Variants in DEPDC4 observed in about 807,000 individuals in gnomAD.
The protein encoded by DEPDC4 is DEP domain-containing protein 4.
Under a neutral mutation model 52.0 loss-of-function variants are expected in DEPDC4, and 52 were observed. That is an observed-to-expected ratio of 1.00 (90% confidence interval 0.80 to 1.26). The LOEUF is 1.26. Among genes scored for constraint, DEPDC4 ranks in the 50% most tolerant of loss-of-function variants. The pLI is 0.00. For synonymous variants in DEPDC4, 201 were observed against 196.8 expected (o/e 1.02, Z -0.18); for missense variants, 530 against 546.9 (o/e 0.97, Z 0.31).
intron 4 of DEPDC4, among the ~76,000 whole-genome samples, chr12:100,254,810 C>G (rs1275441782): frequency 3.3e-5 from 5 of 152,184 alleles, no homozygotes; most frequent in Non-Finnish European, 1.5e-5. Context: ...TAACTTCCAA[C>G]TCCTGGGCTC....
At position 100,256,876 on chromosome 12, in the gene DEPDC4, A is replaced by C. The variant is rs575917347; in HGVS notation, c.701-650T>G. Among the ~76,000 whole-genome samples the C allele has an allele frequency of 5.9e-5, 9 of 151,782 alleles. No individual in the cohort carries two copies. The East Asian group carries it at 1.6e-3, about 26-fold the overall frequency. On this transcript the variant is annotated intron_variant, in intron 3 of 9. Coordinates refer to ENST00000550587, the MANE Select transcript of DEPDC4 (RefSeq NM_001364818.2). ...TAGGATGGTCTCGATCTCCTGACCT[A>C]GTGATCCGCCCGCCTCGGCCTCCCA...
intron 5 of DEPDC4, 67 bp from the exon 6 acceptor site, chr12:100,252,603 TTAG>T: frequency 1.4e-6 from 2 of 1,440,142 alleles, no homozygotes; most frequent in African/African-American, 1.4e-5. Context: ...AAGTATTTAC[TTAG>T]TAGTCAATTA....
rs2096152528 is a variant in DEPDC4, at chr12:100,240,090, A to C, written c.*1802T>G. On this transcript the variant is annotated 3_prime_UTR_variant, in exon 10 of 10. Transcript: ENST00000550587. ...GTCTAATATAGTTTATTTTTTCAAG[A>C]ATTTAATTAATTATGCTTCTGTTTC... Among the ~76,000 whole-genome samples, 1 of 152,206 alleles carries C rather than the reference A, an allele frequency of 6.6e-6. No individual in the cohort carries two copies. The highest frequency in any genetic ancestry group is 1.5e-5 in the Non-Finnish European group (1 of 68,036).
At chr12:100,255,372 C>G (rs1039704885) in intron 4 of DEPDC4, among the ~76,000 whole-genome samples, 1 of 152,196 alleles carries the variant, frequency 6.6e-6, no homozygotes, top group African/African-American at 2.4e-5. Context: ...TAAGAGGGTC[C>G]AGAGGTCTCT....
the DEPDC4 span, among the ~76,000 whole-genome samples, chr12:100,281,751 G>A: frequency 3.3e-5 from 5 of 151,374 alleles, no homozygotes; most frequent in African/African-American, 1.2e-4. Context: ...GGAGAATGGC[G>A]TGAACCCGGG....
rs745903492 is a variant in DEPDC4 at position 100,262,406 on chromosome 12, T to C, written c.558A>G (p.Pro186=). Residue 186 remains proline, a synonymous_variant, in exon 3 of 10, where the codon CCA becomes CCG. Coordinates refer to ENST00000550587, the MANE Select transcript of DEPDC4 (RefSeq NM_001364818.2). ...AENEFNETLR[P]GYEMISNPLA... ...GAGGATTTGAAATCATTTCATATCC[T>C]GGTCTGTTAAAAAATAATACGTGGC... 2.5e-6 allele frequency: 4 copies of C among 1,596,888 alleles called. No individual in the cohort carries two copies. The African/African-American group carries it at 4.1e-5, about 16-fold the overall frequency.
chr12:100,249,185 C>T (rs2096197984), intron 7 of DEPDC4, among the ~76,000 whole-genome samples: 3 of 152,086 alleles, frequency 2.0e-5, no homozygotes, highest in African/African-American at 7.2e-5. Context: ...TTTCTGCCTT[C>T]ATGTGTGTAC....
chr12:100,276,304 G>T, the DEPDC4 span, among the ~76,000 whole-genome samples: 2 of 152,118 alleles, frequency 1.3e-5, no homozygotes, highest in East Asian at 3.9e-4. Context: ...TTGGTCATTT[G>T]TGTCTTTTAA....
intron 9 of DEPDC4, among the ~76,000 whole-genome samples, chr12:100,231,684 G>A (rs1034188895): frequency 6.6e-6 from 1 of 152,128 alleles, no homozygotes; most frequent in Non-Finnish European, 1.5e-5. Context: ...CTAATTTAAT[G>A]GTTAGTATTT....
At chr12:100,273,826 C>G in the DEPDC4 span, among the ~76,000 whole-genome samples, 1 of 152,186 alleles carries the variant, frequency 6.6e-6, no homozygotes, top group African/African-American at 2.4e-5. Context: ...CTTTGGAGGA[C>G]TGAGTCTGCT....
At chr12:100,258,828 T>G (rs775165656) in intron 3 of DEPDC4, among the ~76,000 whole-genome samples, 1 of 152,080 alleles carries the variant, frequency 6.6e-6, no homozygotes, top group Non-Finnish European at 1.5e-5. Flanking sequence ...CTCAGCACTT[T>G]GGGAGGTTGC....
upstream of DEPDC4, chr12:100,267,445 T>G: frequency 5.7e-6 from 1 of 175,598 alleles, no homozygotes; most frequent in Non-Finnish European, 1.2e-5. Flanking sequence ...CCGGCGGCTC[T>G]CTCGCCTGGG....
intron 7 of DEPDC4, among the ~76,000 whole-genome samples, chr12:100,250,203 C>T (rs1210459074): frequency 6.6e-6 from 1 of 152,118 alleles, no homozygotes; most frequent in Non-Finnish European, 1.5e-5. Flanking sequence ...TGGCCTGGTA[C>T]AAAATTTGAA....
At chr12:100,251,594 A>T (rs866535869) in intron 7 of DEPDC4, among the ~76,000 whole-genome samples, 1 of 150,774 alleles carries the variant, frequency 6.6e-6, no homozygotes, top group Non-Finnish European at 1.5e-5. Flanking sequence ...TTGAGGCGGA[A>T]TCTTGCTCTG....
In DEPDC4 at chr12:100,240,260, T is replaced by C. The variant is rs1371144674; in HGVS notation, c.*1632A>G. On this transcript the variant is annotated 3_prime_UTR_variant, in exon 10 of 10. Transcript: ENST00000550587. ...GCCTAAAACTCCTGGGCTCAAGAGA[T>C]CCTCCCACCTCAGCCTCCTGAGTAG... Among the ~76,000 whole-genome samples the C allele has an allele frequency of 6.6e-6, 1 of 152,130 alleles. No homozygotes were observed. The highest frequency in any genetic ancestry group is 6.6e-5 in the Admixed American group (1 of 15,266).
downstream of DEPDC4, among the ~76,000 whole-genome samples, chr12:100,236,102 T>C (rs568685498): frequency 6.6e-6 from 1 of 152,350 alleles, no homozygotes; most frequent in Non-Finnish European, 1.5e-5. Context: ...TTGATGGGCA[T>C]TTGGGCTGGT....
chr12:100,277,095 C>CA, the DEPDC4 span, among the ~76,000 whole-genome samples: 1 of 152,054 alleles, frequency 6.6e-6, no homozygotes, highest in Non-Finnish European at 1.5e-5. Flanking sequence ...TTATTGTAGT[C>CA]AAAGAGAATC....
intron 7 of DEPDC4, among the ~76,000 whole-genome samples, chr12:100,251,352 T>A (rs987637524): frequency 6.6e-6 from 1 of 151,030 alleles, no homozygotes; most frequent in African/African-American, 2.4e-5. Context: ...ATAGTGAGGC[T>A]AAAAAAAAAC....
chr12:100,258,589 A>G (rs1034717571), intron 3 of DEPDC4, among the ~76,000 whole-genome samples: 8 of 152,220 alleles, frequency 5.3e-5, no homozygotes, highest in African/African-American at 1.9e-4. Context: ...ACAAAGTGTC[A>G]TTAATCAGAA....
Sources: gnomAD v4.1 joint callset for allele counts (sites outside exome capture counted in the v4.1 genomes callset) on GRCh38, gnomAD v4.1.1 for gene constraint, MANE v1.5 for transcripts, NCBI Gene and HGNC (gene_info 2026-07-23, HGNC 2026-07-21) for gene names.